Variants in ABCA4 observed in about 807,000 individuals in gnomAD.
The protein encoded by ABCA4 is ATP binding cassette subfamily A member 4, also known as retinal-specific phospholipid-transporting ATPase ABCA4.
Under a neutral mutation model 263.7 loss-of-function variants are expected in ABCA4, and 196 were observed. The observed-to-expected ratio is 0.74, with a 90% CI of 0.66 to 0.84. The LOEUF is 0.84. ABCA4 is among the 40% of genes least tolerant of loss of function. The pLI, the probability that ABCA4 is intolerant of heterozygous loss-of-function variation, is 0.00. For missense variants in ABCA4, 2,792 were observed against 2,855.1 expected, an observed-to-expected ratio of 0.98 and a Z score of 0.50; for synonymous variants, 1,133 against 1,094.2, an observed-to-expected ratio of 1.04 and a Z score of -0.70.
chr1:94,112,967 G>A lies in ABCA4; in HGVS notation c.160+6C>T, dbSNP rs1662651480. The A allele has an allele frequency of 1.2e-6, 2 of 1,610,624 alleles. No homozygotes were observed. The highest frequency in any genetic ancestry group is 1.7e-6 in the Non-Finnish European group (2 of 1,176,796). On this transcript the variant is annotated splice_donor_region_variant and intron_variant, in intron 2 of 49. Transcript: ENST00000370225. The stretch of plus-strand genomic sequence containing the variant: ...GGGCTTGCCCAAGCTACCCTGCTAT[G>A]CTTACATTCATGATGGCTGTAGAGT...
At chr1:94,036,334 G>A (rs1265506610) in intron 26 of ABCA4, among the ~76,000 whole-genome samples, 1 of 150,524 alleles carries the variant, frequency 6.6e-6, no homozygotes, top group Non-Finnish European at 1.5e-5. Context: ...CAGATACTAT[G>A]GAGGAGTATT....
intron 39 of ABCA4, 115 bp downstream of exon 39, chr1:94,011,147 A>C: frequency 6.3e-7 from 1 of 1,586,916 alleles, no homozygotes; most frequent in Non-Finnish European, 8.6e-7. Flanking sequence ...CTCCAGCCCA[A>C]CAAGGTCCCC....
intron 2 of ABCA4, among the ~76,000 whole-genome samples, chr1:94,112,203 G>A (rs373609362): frequency 6.6e-6 from 1 of 152,216 alleles, no homozygotes; most frequent in Non-Finnish European, 1.5e-5. Context: ...GTGTAAAAGA[G>A]GCTCTCACTA....
chr1:94,076,554 A>C (rs749583575), intron 11 of ABCA4, among the ~76,000 whole-genome samples: 1 of 144,248 alleles, frequency 6.9e-6, no homozygotes, highest in Non-Finnish European at 1.6e-5. Flanking sequence ...GAATCCCAAG[A>C]GGTCATGGAA....
At chr1:94,033,665 A>C (rs1198919094) in intron 26 of ABCA4, among the ~76,000 whole-genome samples, 1 of 152,184 alleles carries the variant, frequency 6.6e-6, no homozygotes, top group Admixed American at 6.5e-5. Context: ...CCCCCAGGAC[A>C]AGGACAGTTG....
chr1:94,001,811 C>A, intron 45 of ABCA4, 47 bp downstream of exon 45: 2 of 1,613,860 alleles, frequency 1.2e-6, no homozygotes, highest in Non-Finnish European at 1.7e-6. Context: ...ACCCAAGAGA[C>A]CCAGCACTTG....
intron 1 of ABCA4, among the ~76,000 whole-genome samples, chr1:94,114,562 C>A (rs759500046): frequency 6.6e-6 from 1 of 152,156 alleles, no homozygotes; most frequent in Non-Finnish European, 1.5e-5. Context: ...TCTTGGCTCA[C>A]TGCAAGCTCT....
chr1:94,111,575 A>G lies in ABCA4; in HGVS notation c.165T>C (p.His55=), dbSNP rs758138986. Residue 55 remains histidine, a synonymous_variant, in exon 3 of 50, where the codon CAT becomes CAC. Coordinates refer to ENST00000370225, the MANE Select transcript of ABCA4 (RefSeq NM_000350.3). ...CTGAGGGCATCGCCTTGTTGGGGAA[A>G]TGGCCTTTAAAACAGAAAATGAGGA... ...ANPLYSHHEC[H]FPNKAMPSAG... 4 of 1,614,044 alleles carry G rather than the reference A, an allele frequency of 2.5e-6. No homozygotes were observed. Among genetic ancestry groups the G allele is most frequent in the Non-Finnish European group, 3.4e-6 (4 of 1,180,022 alleles).
At chr1:94,082,184 C>G (rs1004481828) in intron 7 of ABCA4, among the ~76,000 whole-genome samples, 3 of 152,180 alleles carry the variant, frequency 2.0e-5, no homozygotes, top group Non-Finnish European at 4.4e-5. Flanking sequence ...CTTATGACAT[C>G]TTGTAAGGGG....
chr1:94,029,518 C>T lies in ABCA4; in HGVS notation c.4466G>A (p.Arg1489Lys), dbSNP rs764121941. The T allele has an allele frequency of 1.2e-6, 2 of 1,607,944 alleles. No individual in the cohort carries two copies. The highest frequency in any genetic ancestry group is 4.5e-5 in the East Asian group (2 of 44,816). ...GGTGAGCTTCTCCCTGGTGCTGCAC[C>T]TGCAGGATGGTGAAGGGTTGACCTG... Reference protein sequence around the residue: ...WTQVNPSPSCRCSTREKLTML... With the variant: ...WTQVNPSPSCKCSTREKLTML... The change falls in exon 30 of 50, where the codon AGG becomes AAG. Residue 1489 changes from arginine (R) to lysine (K), a missense_variant. Physicochemically the swap from Arg to Lys is conservative, Grantham distance 26. Coordinates refer to ENST00000370225, the MANE Select transcript of ABCA4 (RefSeq NM_000350.3).
intron 19 of ABCA4, chr1:94,045,810 T>C (rs1479009368): frequency 2.2e-6 from 1 of 456,176 alleles, no homozygotes; most frequent in Non-Finnish European, 4.4e-6. Flanking sequence ...TGTTCCTTCC[T>C]GGGGCTCTCC....
intron 21 of ABCA4, 148 bp downstream of exon 21, chr1:94,043,188 G>A: frequency 8.5e-7 from 1 of 1,178,720 alleles, no homozygotes; most frequent in Non-Finnish European, 1.2e-6. Context: ...AAATGATCTG[G>A]GGGCTGCTCT....
intron 4 of ABCA4, among the ~76,000 whole-genome samples, chr1:94,107,354 G>A (rs1033361850): frequency 2.0e-5 from 3 of 152,256 alleles, no homozygotes; most frequent in African/African-American, 7.2e-5. Flanking sequence ...AGCAACCCCT[G>A]GATTTTGGGG....
chr1:94,120,885 C>CTT, intron 1 of ABCA4, 95 bp downstream of exon 1: 1 of 597,170 alleles, frequency 1.7e-6, no homozygotes. Flanking sequence ...ACCCCCCACC[C>CTT]TGCCCCACCA....
At chr1:94,088,801 C>G (rs751763903) in intron 6 of ABCA4, among the ~76,000 whole-genome samples, 3 of 151,714 alleles carry the variant, frequency 2.0e-5, no homozygotes, top group Non-Finnish European at 4.4e-5. Flanking sequence ...AGACAAAAAG[C>G]AACCAGGTCC....
intron 11 of ABCA4, among the ~76,000 whole-genome samples, chr1:94,067,860 G>A (rs1344669895): frequency 6.6e-6 from 1 of 152,188 alleles, no homozygotes; most frequent in Non-Finnish European, 1.5e-5. Context: ...ACACGACTAA[G>A]CAAAGTAAAC....
intron 6 of ABCA4, among the ~76,000 whole-genome samples, chr1:94,094,532 C>T (rs1467064993): frequency 6.6e-6 from 1 of 152,130 alleles, no homozygotes; most frequent in Middle Eastern, 3.2e-3. Context: ...AACCGTGAGC[C>T]CAAATGCCGA....
intron 34 of ABCA4, 51 bp downstream of exon 34, chr1:94,021,589 C>A (rs375024582): frequency 3.2e-6 from 5 of 1,544,714 alleles, no homozygotes; most frequent in Non-Finnish European, 4.5e-6. Context: ...ATAAAATAAC[C>A]AGCTCAGGTA....
At chr1:94,095,369 T>C (rs1662096090) in intron 6 of ABCA4, among the ~76,000 whole-genome samples, 1 of 152,022 alleles carries the variant, frequency 6.6e-6, no homozygotes, top group African/African-American at 2.4e-5. Flanking sequence ...TCAAAGTGGG[T>C]AGATGCCGTC....
Sources: gnomAD v4.1 joint callset for allele counts (sites outside exome capture counted in the v4.1 genomes callset) on GRCh38, gnomAD v4.1.1 for gene constraint, MANE v1.5 for transcripts, NCBI Gene and HGNC (gene_info 2026-07-23, HGNC 2026-07-21) for gene names.